ANXA13: variants seen among roughly 807,000 people sequenced by gnomAD.
ANXA13 encodes the protein annexin A13, also known as annexin XIII.
In ANXA13, 36 loss-of-function variants were observed where a neutral mutation model predicts 46.6. The observed-to-expected ratio is 0.77, with a 90% CI of 0.59 to 1.02. The LOEUF (loss-of-function observed/expected upper bound fraction) is 1.02. Ranked by LOEUF, ANXA13 falls within the 50% of genes least tolerant of loss-of-function variation. The pLI, the probability that ANXA13 is intolerant of heterozygous loss-of-function variation, is 0.00. For missense variants in ANXA13, 417 were observed against 396.5 expected (o/e 1.05, Z -0.44); for synonymous variants, 163 against 152.9 (o/e 1.07, Z -0.49).
chr8:123,714,054 G>A (rs753967839), intron 1 of ANXA13, among the ~76,000 whole-genome samples: 6 of 152,146 alleles, frequency 3.9e-5, no homozygotes, highest in East Asian at 1.9e-4. Flanking sequence ...CAGTAGCACC[G>A]CAGTTCAACT....
rs1306403487 is a variant in ANXA13, at chr8:123,712,765, A to C, written c.16-12T>G. The stretch of plus-strand genomic sequence containing the variant: ...CTGCTCGCTTTAGCCTGGAGAAAAT[A>C]ATTGAAAAGGTGAGATGACAATATA... On this transcript the variant is annotated splice_polypyrimidine_tract_variant and intron_variant, in intron 1 of 10. Coordinates refer to ENST00000419625, the MANE Select transcript of ANXA13 (RefSeq NM_004306.4). The C allele has an allele frequency of 6.2e-7, 1 of 1,613,292 alleles. No individual in the cohort carries two copies. Among genetic ancestry groups the C allele is most frequent in the African/African-American group, 1.3e-5 (1 of 74,926 alleles).
Position 123,681,148 on chromosome 8 carries a change from T to G in ANXA13, c.*92A>C. 6.8e-7 allele frequency: 1 copy of G among 1,478,634 alleles called. No individual in the cohort carries two copies. The highest frequency in any genetic ancestry group is 2.3e-5 in the Admixed American group (1 of 43,784). The allele number at this position is 1,478,634 out of a possible 1,614,324, so 91.6% of individuals were successfully genotyped here. ...GAAAGTAATCCGGGACTCTTAAGGG[T>G]TTTCGTGCGGGAGTCTCATTTGCAA... On this transcript the variant is annotated 3_prime_UTR_variant, in exon 11 of 11. Coordinates refer to ENST00000419625, the MANE Select transcript of ANXA13 (RefSeq NM_004306.4).
At chr8:123,686,110 C>T (rs529346455) in intron 9 of ANXA13, among the ~76,000 whole-genome samples, 1 of 152,228 alleles carries the variant, frequency 6.6e-6, no homozygotes, top group East Asian at 1.9e-4. Context: ...GGAACAACCT[C>T]TGTTGTTAGC....
At chr8:123,687,549 C>A (rs1813162083) in intron 9 of ANXA13, among the ~76,000 whole-genome samples, 1 of 152,028 alleles carries the variant, frequency 6.6e-6, no homozygotes, top group Admixed American at 6.6e-5. Context: ...GATTTTTAGG[C>A]CTCCGGATAT....
At chr8:123,717,106 G>A (rs1367494625) in intron 1 of ANXA13, among the ~76,000 whole-genome samples, 3 of 152,130 alleles carry the variant, frequency 2.0e-5, no homozygotes, top group Non-Finnish European at 2.9e-5. Context: ...GATATTAAAC[G>A]TCAATAATAA....
At chr8:123,736,460 A>G (rs1384934293) in intron 1 of ANXA13, among the ~76,000 whole-genome samples, 2 of 152,218 alleles carry the variant, frequency 1.3e-5, no homozygotes, top group East Asian at 3.8e-4. Flanking sequence ...TTATAGACAC[A>G]CTATTCAGGA....
At chr8:123,725,975 A>T (rs1461693658) in intron 1 of ANXA13, among the ~76,000 whole-genome samples, 2 of 152,206 alleles carry the variant, frequency 1.3e-5, no homozygotes, top group African/African-American at 4.8e-5. Context: ...CCTTTCCAAG[A>T]TGCAGTATTA....
At chr8:123,728,016 C>T (rs941005646) in intron 1 of ANXA13, 6 of 152,182 alleles carry the variant, frequency 3.9e-5, no homozygotes, top group African/African-American at 1.2e-4. Context: ...AACCTGTTGT[C>T]ACCTCCTGCT....
At chr8:123,698,640 T>C in intron 3 of ANXA13, 81 bp from the exon 4 acceptor site, 1 of 1,443,336 alleles carries the variant, frequency 6.9e-7, no homozygotes, top group Non-Finnish European at 9.6e-7. Context: ...TTGCAAGTGC[T>C]CATAGTTGAC....
At chr8:123,712,969 A>G (rs1268524904) in intron 1 of ANXA13, among the ~76,000 whole-genome samples, 1 of 152,132 alleles carries the variant, frequency 6.6e-6, no homozygotes, top group Non-Finnish European at 1.5e-5. Flanking sequence ...GATGACCAGG[A>G]GAATGGGCCC....
intron 1 of ANXA13, among the ~76,000 whole-genome samples, chr8:123,723,668 G>A (rs113961419): frequency 0.077 from 11,695 of 152,224 alleles, 774 homozygotes; most frequent in African/African-American, 0.18. Context: ...GTTTTCTCCT[G>A]GAGAGCTGGT....
intron 1 of ANXA13, among the ~76,000 whole-genome samples, chr8:123,722,247 A>C (rs1218674235): frequency 1.3e-5 from 2 of 151,942 alleles, no homozygotes; most frequent in South Asian, 4.1e-4. Context: ...CAGGAAGTTG[A>C]GGTTGCAGTG....
At chr8:123,703,745 C>A (rs1485290008) in intron 2 of ANXA13, among the ~76,000 whole-genome samples, 1 of 152,050 alleles carries the variant, frequency 6.6e-6, no homozygotes, top group East Asian at 1.9e-4. Context: ...GCTTTTTTAC[C>A]CCTGATGCTC....
At chr8:123,719,759 C>G (rs1813826248) in intron 1 of ANXA13, among the ~76,000 whole-genome samples, 1 of 152,148 alleles carries the variant, frequency 6.6e-6, no homozygotes, top group African/African-American at 2.4e-5. Flanking sequence ...CATAATAGTC[C>G]ACATAGTGTG....
chr8:123,714,932 C>G (rs1246752263), intron 1 of ANXA13, among the ~76,000 whole-genome samples: 2 of 152,250 alleles, frequency 1.3e-5, no homozygotes, highest in Admixed American at 1.3e-4. Flanking sequence ...GGATGCAGGA[C>G]TGAACCCAGC....
chr8:123,724,403 G>C (rs1302171171), intron 1 of ANXA13, among the ~76,000 whole-genome samples: 32 of 152,156 alleles, frequency 2.1e-4, no homozygotes, highest in Non-Finnish European at 2.9e-5. Context: ...GAATCTCTGA[G>C]GTACAGGGAT....
chr8:123,693,358 T>G, intron 7 of ANXA13, 60 bp from the exon 8 acceptor site: 1 of 1,454,414 alleles, frequency 6.9e-7, no homozygotes, highest in Non-Finnish European at 9.6e-7. Flanking sequence ...GATTATGCAG[T>G]GCTGTGACTA....
intron 1 of ANXA13, among the ~76,000 whole-genome samples, chr8:123,730,945 G>A (rs528381782): frequency 7.6e-4 from 115 of 152,314 alleles, no homozygotes; most frequent in African/African-American, 2.6e-3. Flanking sequence ...GTGCTAACCC[G>A]GGTTTCAATG....
chr8:123,713,757 G>A (rs1813706034), intron 1 of ANXA13, among the ~76,000 whole-genome samples: 2 of 152,062 alleles, frequency 1.3e-5, no homozygotes, highest in South Asian at 2.1e-4. Context: ...GAAGTGGTGC[G>A]ATCTCAGCTC....
Sources: gnomAD v4.1 joint callset for allele counts (sites outside exome capture counted in the v4.1 genomes callset) on GRCh38, gnomAD v4.1.1 for gene constraint, MANE v1.5 for transcripts, NCBI Gene and HGNC (gene_info 2026-07-23, HGNC 2026-07-21) for gene names.